Variants in ZNF668 observed in about 807,000 individuals in gnomAD.
ZNF668 encodes zinc finger protein 668.
In ZNF668, 10 loss-of-function variants were observed where a neutral mutation model predicts 40.3. The observed-to-expected ratio is 0.25, with a 90% CI of 0.15 to 0.42. The LOEUF (loss-of-function observed/expected upper bound fraction) is 0.42. Ranked by LOEUF, ZNF668 falls within the 10% of genes least tolerant of loss-of-function variation. The pLI, the probability that ZNF668 is intolerant of heterozygous loss-of-function variation, is 1.00. For synonymous variants in ZNF668, 428 were observed against 384.6 expected (o/e 1.11, Z -1.32); for missense variants, 749 against 904.6 (o/e 0.83, Z 2.21).
intron 1 of ZNF668, chr16:31,065,724 G>A (rs980573800): frequency 3.9e-5 from 6 of 152,100 alleles, no homozygotes; most frequent in Admixed American, 1.3e-4. Flanking sequence ...CGTGGTGGCG[G>A]GCGCCTGTAG....
At chr16:31,070,248 C>T (rs565174835) in intron 1 of ZNF668, among the ~76,000 whole-genome samples, 1 of 149,794 alleles carries the variant, frequency 6.7e-6, no homozygotes, top group African/African-American at 2.5e-5. Context: ...TACTCTGTCC[C>T]CCAGGCTGGA....
intron 1 of ZNF668, among the ~76,000 whole-genome samples, chr16:31,068,095 G>T (rs2056989793): frequency 6.6e-6 from 1 of 151,264 alleles, no homozygotes. Context: ...GTAGCTGGAG[G>T]GGAAATCCCT....
In ZNF668 at chr16:31,064,793, G is replaced by C. The variant is rs536128827; in HGVS notation, c.-22-312C>G. 6.1e-6 allele frequency: 9 copies of C among 1,472,448 alleles called. No homozygotes were observed. In the East Asian group the frequency reaches 1.7e-4, roughly 28 times the overall value. 91.2% of individuals were successfully genotyped at this position (1,472,448 alleles called of 1,614,324 possible). On this transcript the variant is annotated intron_variant, in intron 1 of 2. Transcript: ENST00000300849. ...ATTCCCAGAGGCCCAGGTTCCATCT[G>C]TCTCACCATCTTCCTTCTTCAGCTC...
At position 31,061,416 on chromosome 16, in the gene ZNF668, C is replaced by T. The variant is rs1224391541; in HGVS notation, c.1512G>A (p.Ala504=). ...APGPLEGAGE[A]GGEEADEKPP... is the part of the protein sequence containing the mutation. ...GCTTCTCGTCAGCCTCCTCACCCCC[C>T]GCCTCGCCTGCCCCTTCCAAGGGAC... Residue 504 remains alanine, a synonymous_variant, in exon 3 of 3, where the codon GCG becomes GCA. Coordinates refer to ENST00000300849, the MANE Select transcript of ZNF668 (RefSeq NM_024706.5). The surrounding 1 kb of genome is among the most constrained non-coding windows in gnomAD (Gnocchi z 7.7). 1 of 1,613,944 alleles carries T rather than the reference C, an allele frequency of 6.2e-7. No individual in the cohort carries two copies. Among genetic ancestry groups the T allele is most frequent in the Non-Finnish European group, 8.5e-7 (1 of 1,179,958 alleles).
At chr16:31,067,605 TCCTCAA>T (rs2056987734) in intron 1 of ZNF668, among the ~76,000 whole-genome samples, 1 of 152,214 alleles carries the variant, frequency 6.6e-6, no homozygotes, top group Non-Finnish European at 1.5e-5. Flanking sequence ...ATAATTACTG[TCCTCAA>T]TTATCAAAGC....
chr16:31,061,172 C>T lies in ZNF668; in HGVS notation c.1756G>A (p.Asp586Asn). The T allele has an allele frequency of 6.6e-7, 1 of 1,518,042 alleles. No individual in the cohort carries two copies. The highest frequency in any genetic ancestry group is 1.3e-5 in the South Asian group (1 of 75,232). 94.0% of individuals were successfully genotyped at this position (1,518,042 alleles called of 1,614,324 possible). A position where few individuals can be genotyped will look rare whatever the true frequency, so the allele number is the denominator to read the frequency against. ...TGGGTGCGTTCATGCTTGCGCAAGT[C>T]GCTGGCACTCAAGAAGGCCTTGGGA... ...HCPKAFLSASDLRKHERTHPV... is the reference protein window; with the variant it reads ...HCPKAFLSASNLRKHERTHPV... Residue 586 changes from aspartate (D) to asparagine (N), a missense_variant, in exon 3 of 3, where the codon GAC (aspartate) becomes AAC (asparagine). Transcript: ENST00000300849. This position sits in a 1 kb window ranked among gnomAD's most constrained non-coding sequence, Gnocchi z 7.7.
Position 31,064,212 on chromosome 16 carries a change from G to A in ZNF668, c.248C>T (p.Pro83Leu), listed in dbSNP as rs200816938. ...KVSGSAAKPR[P>L]YACPLCPKAY... Reference sequence around the variant, plus strand: ...CTTGGGGCATAGCGGACACGCATAGGGCCTAGGCTTGGCCGCGGAGCCTGA... The same window carrying A: ...CTTGGGGCATAGCGGACACGCATAGAGCCTAGGCTTGGCCGCGGAGCCTGA... The change falls in exon 2 of 3, where the codon CCC becomes CTC. Residue 83 changes from proline (P) to leucine (L), a missense_variant. Physicochemically the swap from Pro to Leu is moderately conservative, Grantham distance 98 (BLOSUM62 -3). Around this residue, in one of 4 missense-constraint regions of ZNF668, gnomAD observed 159 missense variants for 139.8 expected, o/e 1.14. Coordinates refer to ENST00000300849, the MANE Select transcript of ZNF668 (RefSeq NM_024706.5). The A allele has an allele frequency of 6.4e-5, 103 of 1,612,882 alleles. No homozygotes were observed. Among genetic ancestry groups the A allele is most frequent in the Middle Eastern group, 3.3e-4 (2 of 6,084 alleles).
chr16:31,066,806 G>A (rs576143359), intron 1 of ZNF668, among the ~76,000 whole-genome samples: 20 of 152,300 alleles, frequency 1.3e-4, no homozygotes, highest in African/African-American at 4.6e-4. Context: ...CAGTTTCCAA[G>A]GGATCCCTCC....
chr16:31,061,136 T>A lies in ZNF668; in HGVS notation c.1792A>T (p.Met598Leu). The A allele has an allele frequency of 6.6e-7, 1 of 1,510,482 alleles. No homozygotes were observed. Among genetic ancestry groups the A allele is most frequent in the Non-Finnish European group, 8.8e-7 (1 of 1,131,436 alleles). 93.6% of individuals were successfully genotyped at this position (1,510,482 alleles called of 1,614,324 possible). The change falls in exon 3 of 3, where the codon ATG (methionine) becomes TTG (leucine). Residue 598 changes from methionine to leucine, a missense_variant. By Grantham distance (15) the Met-to-Leu change is conservative. Coordinates refer to ENST00000300849, the MANE Select transcript of ZNF668 (RefSeq NM_024706.5). The surrounding 1 kb of genome is among the most constrained non-coding windows in gnomAD (Gnocchi z 7.7). ...RKHERTHPVP[M>L]GTPTPLEPLV... ...GGCTCCAGGGGTGTGGGGGTCCCCA[T>A]GGGCACAGGGTGGGTGCGTTCATGC...
At chr16:31,070,893 C>T (rs1033635428) in intron 1 of ZNF668, among the ~76,000 whole-genome samples, 3 of 150,950 alleles carry the variant, frequency 2.0e-5, no homozygotes, top group South Asian at 4.2e-4. Context: ...ACAGAGTCTC[C>T]CTCTGTTGCC....
Position 31,062,259 on chromosome 16 carries a change from G to A in ZNF668, c.669C>T (p.Pro223=). The A allele has an allele frequency of 1.2e-6, 2 of 1,607,286 alleles. No homozygotes were observed. The highest frequency in any genetic ancestry group is 1.1e-5 in the South Asian group (1 of 90,520). The change falls in exon 3 of 3, where the codon CCC becomes CCT. Residue 223 remains proline (P), a synonymous_variant. Transcript: ENST00000300849. ...NHERSHTGER[P]FLCSECGKSF... ...TCTTCCCGCACTCGGAGCAGAGGAA[G>A]GGGCGCTCGCCGGTGTGGGACCTGC...
Position 31,061,006 on chromosome 16 carries a change from G to A in ZNF668, c.*62C>T, listed in dbSNP as rs2056916119. Reference sequence around the variant, plus strand: ...TAAAGAGCAGAGCCAGGCAAAAGGAGGTACAGGAAGCCCCCGATGGGGGCT... The same window carrying A: ...TAAAGAGCAGAGCCAGGCAAAAGGAAGTACAGGAAGCCCCCGATGGGGGCT... On this transcript the variant is annotated 3_prime_UTR_variant, in exon 3 of 3. Transcript: ENST00000300849. The surrounding 1 kb of genome is among the most constrained non-coding windows in gnomAD (Gnocchi z 7.7). 3 of 1,414,966 alleles carry A rather than the reference G, an allele frequency of 2.1e-6. No individual in the cohort carries two copies. Among genetic ancestry groups the A allele is most frequent in the Non-Finnish European group, 2.8e-6 (3 of 1,080,956 alleles). 87.7% of individuals were successfully genotyped at this position (1,414,966 alleles called of 1,614,324 possible). A position where few individuals can be genotyped will look rare whatever the true frequency, so the allele number is the denominator to read the frequency against.
chr16:31,063,182 G>C (rs1266373635), intron 2 of ZNF668, among the ~76,000 whole-genome samples: 1 of 152,182 alleles, frequency 6.6e-6, no homozygotes, highest in African/African-American at 2.4e-5. Flanking sequence ...CCCCAGGCTG[G>C]AATGCAGTGG....
At position 31,062,118 on chromosome 16, in the gene ZNF668, G is replaced by A; in HGVS notation, c.810C>T (p.His270=). ...GCTTCTCCCCCGAGTGCGTGCGCTC[G>A]TGGCTCTGGTAGGAACTGAGCTGCG... is the stretch of plus-strand genomic sequence containing the variant. ...GFTQLSSYQS[H]ERTHSGEKPF... The change falls in exon 3 of 3, where the codon CAC becomes CAT. Residue 270 remains histidine, a synonymous_variant. Coordinates refer to ENST00000300849, the MANE Select transcript of ZNF668 (RefSeq NM_024706.5). 1 of 1,613,880 alleles carries A rather than the reference G, an allele frequency of 6.2e-7. No homozygotes were observed. Among genetic ancestry groups the A allele is most frequent in the African/African-American group, 1.3e-5 (1 of 75,074 alleles).
At position 31,063,953 on chromosome 16, in the gene ZNF668, G is replaced by A. The variant is rs1481877567; in HGVS notation, c.507C>T (p.Ala169=). 6.2e-7 allele frequency: 1 copy of A among 1,607,034 alleles called. No individual in the cohort carries two copies. Residue 169 remains alanine (A), a synonymous_variant, in exon 2 of 3, where the codon GCC becomes GCT. Transcript: ENST00000300849. The stretch of plus-strand genomic sequence containing the variant: ...CAAAGCTCTTGCCGCAGTCGGCGCA[G>A]GCGTAAGGCCGCTCGCCTGTGTGGC... The part of the protein sequence containing the change: ...QRGHTGERPY[A]CADCGKSFAD...
Position 31,062,550 on chromosome 16 carries a change from G to A in ZNF668, c.648-270C>T, listed in dbSNP as rs972739803. 2.1e-5 allele frequency: 9 copies of A among 419,014 alleles called. 1 individual carries two copies. The highest frequency in any genetic ancestry group is 2.1e-4 in the Admixed American group (5 of 24,002). The allele number at this position is 419,014 out of a possible 1,614,324, so 26.0% of individuals were successfully genotyped here. A position where few individuals can be genotyped will look rare whatever the true frequency, so the allele number is the denominator to read the frequency against. On this transcript the variant is annotated intron_variant, in intron 2 of 2. Coordinates refer to ENST00000300849, the MANE Select transcript of ZNF668 (RefSeq NM_024706.5). ...AATTCCAGCACTTTGGGAGGCCGAGGTCAGGAGATCGAGACCATCCCGGCT... is the reference window on the plus strand; with the variant it reads ...AATTCCAGCACTTTGGGAGGCCGAGATCAGGAGATCGAGACCATCCCGGCT...
At chr16:31,062,665 G>A (rs2056941821) in intron 2 of ZNF668, 1 of 162,338 alleles carries the variant, frequency 6.2e-6, no homozygotes, top group African/African-American at 2.4e-5. Context: ...TCGGGAGGCT[G>A]AGGCAGGAGA....
rs751730898 is a variant in ZNF668 at position 31,062,156 on chromosome 16, C to T, written c.772G>A (p.Gly258Ser). Residue 258 changes from glycine to serine, a missense_variant, in exon 3 of 3, where the codon GGC becomes AGC. Physicochemically the swap from Gly to Ser is moderately conservative, Grantham distance 56. Around this residue, in one of 4 missense-constraint regions of ZNF668, gnomAD observed 129 missense variants for 231.2 expected, o/e 0.56. Transcript: ENST00000300849. ...GAACTGAGCTGCGTGAAGCCCTTGC[C>T]GCAGGCCGGGCAGCGGTAGGGCTTC... The part of the protein sequence containing the change: ...AQKPYRCPAC[G>S]KGFTQLSSYQ... 13 of 1,613,738 alleles carry T rather than the reference C, an allele frequency of 8.1e-6. No homozygotes were observed. The highest frequency in any genetic ancestry group is 2.7e-5 in the African/African-American group (2 of 74,934).
At position 31,073,899 on chromosome 16, in the gene ZNF668, G is replaced by A. The variant is rs552113697; in HGVS notation, c.-263C>T. The A allele has an allele frequency of 6.6e-6, 1 of 152,366 alleles. No homozygotes were observed. Among genetic ancestry groups the A allele is most frequent in the South Asian group, 2.1e-4 (1 of 4,824 alleles). The allele number at this position is 152,366 out of a possible 1,614,324, so 9.4% of individuals were successfully genotyped here. ...GCAAGAGGTCTCTGTGTGTGCTGAG[G>A]CAAGGGGACGCCAGGCAGGCTGACG... On this transcript the variant is annotated 5_prime_UTR_variant, in exon 1 of 3. Coordinates refer to ENST00000300849, the MANE Select transcript of ZNF668 (RefSeq NM_024706.5).
Sources: allele counts gnomAD v4.1 joint callset (sites outside exome capture counted in the v4.1 genomes callset), GRCh38; gene constraint gnomAD v4.1.1; regional missense constraint gnomAD v4.1.1; non-coding constraint Gnocchi (gnomAD v3.1); transcripts MANE v1.5; gene names NCBI Gene and HGNC (gene_info 2026-07-23, HGNC 2026-07-21).